The following CACNA1C variants were observed in gnomAD, a reference collection of about 807,000 sequenced individuals.
CACNA1C encodes calcium voltage-gated channel subunit alpha1 C.
A neutral mutation model predicts 229.0 loss-of-function variants in CACNA1C; 30 were observed. The observed-to-expected ratio is 0.13, with a 90% CI of 0.10 to 0.18. The LOEUF is 0.18. Ranked by LOEUF, CACNA1C falls within the 10% of genes least tolerant of loss-of-function variation. The probability of loss-of-function intolerance (pLI) is 1.00; values close to 1 mark genes in which losing one functional copy is unlikely to be tolerated. For synonymous variants in CACNA1C, 1,114 were observed against 1,132.5 expected (o/e 0.98, Z 0.33); for missense variants, 1,658 against 2,845.0 (o/e 0.58, Z 9.49).
intron 1 of CACNA1C, among the ~76,000 whole-genome samples, chr12:2,065,428 A>G (rs1411674377): frequency 6.6e-5 from 10 of 152,174 alleles, no homozygotes; most frequent in Admixed American, 6.5e-4. Flanking sequence ...CCTCCAGAAT[A>G]GGAATGGTTA....
Position 2,585,719 on chromosome 12 carries a change from A to G in CACNA1C, c.2461-116A>G, listed in dbSNP as rs757867323. 5.4e-6 allele frequency: 5 copies of G among 921,542 alleles called. No homozygotes were observed. Among genetic ancestry groups the G allele is most frequent in the African/African-American group, 1.6e-5 (1 of 60,748 alleles). 57.1% of individuals were successfully genotyped at this position (921,542 alleles called of 1,614,324 possible). A position where few individuals can be genotyped will look rare whatever the true frequency, so the allele number is the denominator to read the frequency against. The stretch of plus-strand genomic sequence containing the variant: ...CTTGAAGGAGATATGCAAAGTGACA[A>G]GTACCTATTTTTGAGCTAAGTCACT... On this transcript the variant is annotated intron_variant, in intron 17 of 46. Coordinates refer to ENST00000399655, the MANE Select transcript of CACNA1C (RefSeq NM_000719.7). This position sits in a 1 kb window ranked among gnomAD's most constrained non-coding sequence, Gnocchi z 4.1.
chr12:2,202,859 G>A (rs914095722), intron 3 of CACNA1C, among the ~76,000 whole-genome samples: 5 of 152,308 alleles, frequency 3.3e-5, no homozygotes, highest in Non-Finnish European at 2.9e-5. Context: ...TTCAAGCCCC[G>A]GAGATGAAGT....
intron 3 of CACNA1C, among the ~76,000 whole-genome samples, chr12:2,204,579 G>T (rs1431237990): frequency 6.6e-6 from 1 of 151,406 alleles, no homozygotes; most frequent in Non-Finnish European, 1.5e-5. Flanking sequence ...TTAAGAAAAT[G>T]TGGCACATAT....
chr12:2,315,969 C>G (rs2095668018), intron 3 of CACNA1C, among the ~76,000 whole-genome samples: 2 of 152,214 alleles, frequency 1.3e-5, no homozygotes, highest in Non-Finnish European at 2.9e-5. Context: ...GAACTGCATT[C>G]CAGTTCCTTG....
At chr12:2,387,607 G>T (rs958436592) in intron 3 of CACNA1C, among the ~76,000 whole-genome samples, 3 of 152,208 alleles carry the variant, frequency 2.0e-5, no homozygotes, top group African/African-American at 7.2e-5. Flanking sequence ...AAAATGCTAG[G>T]TTCCATCCAG....
intron 1 of CACNA1C, among the ~76,000 whole-genome samples, chr12:2,100,317 G>A (rs568394672): frequency 1.3e-5 from 2 of 151,560 alleles, no homozygotes; most frequent in African/African-American, 2.4e-5. Context: ...GTGGTGGCAC[G>A]TGCCTGTAAT....
At chr12:2,663,543 T>C (rs1424016184) in intron 34 of CACNA1C, among the ~76,000 whole-genome samples, 2 of 152,074 alleles carry the variant, frequency 1.3e-5, no homozygotes, top group Non-Finnish European at 2.9e-5. Context: ...CAGCACCATT[T>C]GCAAAATGAT....
intron 3 of CACNA1C, among the ~76,000 whole-genome samples, chr12:2,135,612 G>T (rs1441251273): frequency 4.3e-5 from 6 of 138,442 alleles, no homozygotes; most frequent in African/African-American, 1.6e-4. Context: ...TCCCAGTTAG[G>T]CTGCTCAGGG....
chr12:2,565,025 A>G (rs2049598116), intron 11 of CACNA1C, among the ~76,000 whole-genome samples: 1 of 152,184 alleles, frequency 6.6e-6, no homozygotes. Context: ...CGTCTACTGA[A>G]TTCAACCAAA....
In CACNA1C at chr12:2,089,778, T is replaced by G. The variant is rs550026267; in HGVS notation, c.50-25446T>G. Among the ~76,000 whole-genome samples, 92 of 152,268 alleles carry G rather than the reference T, an allele frequency of 6.0e-4. 2 individuals are homozygous for G. The South Asian group carries it at 0.019, about 31-fold the overall frequency. ...GGCTGGGCGCGGTGGCTGACACCTG[T>G]AATCCCAGCACTTGGGGAGGCTGAG... On this transcript the variant is annotated intron_variant, in intron 1 of 46. Transcript: ENST00000399655.
chr12:2,607,415 C>T, intron 26 of CACNA1C: 1 of 354,978 alleles, frequency 2.8e-6, no homozygotes, highest in Non-Finnish European at 5.1e-6. Flanking sequence ...AGATCTCTGT[C>T]ATTACCCTTA....
intron 1 of CACNA1C, among the ~76,000 whole-genome samples, chr12:2,046,765 G>A (rs1398813396): frequency 3.3e-5 from 5 of 152,150 alleles, no homozygotes; most frequent in Non-Finnish European, 7.3e-5. Flanking sequence ...CTGGGGCTGA[G>A]CTGCCAGGAG....
rs1161892335 is a variant in CACNA1C, at chr12:2,303,573, C to T, written c.478-145403C>T. On this transcript the variant is annotated intron_variant, in intron 3 of 46. Transcript: ENST00000399655. Reference sequence around the variant, plus strand: ...TGAGACCAGGAGTTCGCGACCAGCCCGGGTAACACAGGGAGACCCTGTCTG... The same window carrying T: ...TGAGACCAGGAGTTCGCGACCAGCCTGGGTAACACAGGGAGACCCTGTCTG... Among the ~76,000 whole-genome samples the T allele has an allele frequency of 3.3e-5, 5 of 151,948 alleles. No homozygotes were observed. The East Asian group carries it at 5.8e-4, about 18-fold the overall frequency.
At chr12:2,162,696 T>A (rs1317363012) in intron 3 of CACNA1C, among the ~76,000 whole-genome samples, 1 of 151,366 alleles carries the variant, frequency 6.6e-6, no homozygotes, top group Admixed American at 6.6e-5. Flanking sequence ...ACAAGAAGAG[T>A]TGGAGATGAT....
chr12:2,286,899 T>C (rs547759383), intron 3 of CACNA1C, among the ~76,000 whole-genome samples: 1 of 152,368 alleles, frequency 6.6e-6, no homozygotes, highest in African/African-American at 2.4e-5. Context: ...TGGCCCTCCC[T>C]TACTCATGTG....
chr12:2,044,053 G>C (rs190455294), intron 1 of CACNA1C, among the ~76,000 whole-genome samples: 1 of 152,194 alleles, frequency 6.6e-6, no homozygotes. Context: ...CCAAGAGTTA[G>C]TGATTAATAA....
chr12:2,547,333 G>T, intron 9 of CACNA1C: 1 of 658,256 alleles, frequency 1.5e-6, no homozygotes. Context: ...TGATAAAAAT[G>T]GATGTTCTAT....
chr12:2,518,868 G>T (rs533659002), intron 9 of CACNA1C, among the ~76,000 whole-genome samples: 7 of 152,198 alleles, frequency 4.6e-5, no homozygotes, highest in Admixed American at 6.5e-5. Context: ...GGGCCTTCAC[G>T]TTAACTCTTA....
intron 13 of CACNA1C, among the ~76,000 whole-genome samples, chr12:2,572,713 T>TC: frequency 8.5e-6 from 1 of 118,250 alleles, no homozygotes; most frequent in African/African-American, 3.3e-5. Flanking sequence ...TTCCTCCTCC[T>TC]CTTCCTCCTC....
Sources: allele counts gnomAD v4.1 joint callset (sites outside exome capture counted in the v4.1 genomes callset), GRCh38; gene constraint gnomAD v4.1.1; non-coding constraint Gnocchi (gnomAD v3.1); transcripts MANE v1.5; gene names NCBI Gene and HGNC (gene_info 2026-07-23, HGNC 2026-07-21).